Variants in EPHA3 observed in about 807,000 individuals in gnomAD.
EPHA3 encodes EPH receptor A3, also known as ephrin type-A receptor 3.
EPHA3 carries 42 observed loss-of-function variants against 107.1 expected under a neutral mutation model. The observed-to-expected ratio is 0.39, with a 90% CI of 0.31 to 0.51. The LOEUF is 0.51. Ranked by LOEUF, EPHA3 falls within the 20% of genes least tolerant of loss-of-function variation. The pLI, the probability that EPHA3 is intolerant of heterozygous loss-of-function variation, is 0.78. For synonymous variants in EPHA3, 461 were observed against 424.8 expected (o/e 1.09, Z -1.05); for missense variants, 1,183 against 1,211.2 (o/e 0.98, Z 0.35).
chr3:89,271,348 G>T (rs376320996), intron 3 of EPHA3, among the ~76,000 whole-genome samples: 1 of 151,956 alleles, frequency 6.6e-6, no homozygotes, highest in African/African-American at 2.4e-5. Flanking sequence ...TAATTCCCTT[G>T]CAGAGTACAG....
Position 89,277,592 on chromosome 3 carries a change from G to C in EPHA3, c.815-63324G>C, listed in dbSNP as rs77752598. 8.3e-3 allele frequency among the ~76,000 whole-genome samples: 1,260 copies of C among 152,106 alleles called. 29 individuals are homozygous for C. The highest frequency in any genetic ancestry group is 0.029 in the African/African-American group (1,201 of 41,498). On this transcript the variant is annotated intron_variant, in intron 3 of 16. Coordinates refer to ENST00000336596, the MANE Select transcript of EPHA3 (RefSeq NM_005233.6). ...TTATGCATTTAAAGATATGTCACTGGGGTAGCATACTCTGGCCTGCTTTTG... is the reference window on the plus strand; with the variant it reads ...TTATGCATTTAAAGATATGTCACTGCGGTAGCATACTCTGGCCTGCTTTTG...
chr3:89,227,841 T>C (rs894654769), intron 3 of EPHA3, among the ~76,000 whole-genome samples: 10 of 151,988 alleles, frequency 6.6e-5, no homozygotes, highest in Admixed American at 3.3e-4. Flanking sequence ...CTCACTCTTA[T>C]ATTAGGTTGT....
Position 89,107,706 on chromosome 3 carries a change from T to C in EPHA3, c.-43T>C. 1 of 1,564,110 alleles carries C rather than the reference T, an allele frequency of 6.4e-7. No homozygotes were observed. Among genetic ancestry groups the C allele is most frequent in the Non-Finnish European group, 8.8e-7 (1 of 1,134,932 alleles). On this transcript the variant is annotated 5_prime_UTR_variant, in exon 1 of 17. Coordinates refer to ENST00000336596, the MANE Select transcript of EPHA3 (RefSeq NM_005233.6). Reference sequence around the variant, plus strand: ...GCTCCCCCTCACATCAGTGGCATGCTTCATGGAGATATGCTCCTCTCACTG... The same window carrying C: ...GCTCCCCCTCACATCAGTGGCATGCCTCATGGAGATATGCTCCTCTCACTG...
chr3:89,315,664 G>A (rs1304154557), intron 3 of EPHA3, among the ~76,000 whole-genome samples: 2 of 150,054 alleles, frequency 1.3e-5, no homozygotes, highest in African/African-American at 2.4e-5. Flanking sequence ...TCTCAGCTTA[G>A]CAGTTCTGAA....
intron 3 of EPHA3, among the ~76,000 whole-genome samples, chr3:89,290,556 T>C (rs1276288092): frequency 6.6e-6 from 1 of 152,202 alleles, no homozygotes; most frequent in African/African-American, 2.4e-5. Context: ...ATTATTACTT[T>C]GTTTTTCATT....
At chr3:89,110,487 T>C (rs1331477481) in intron 1 of EPHA3, among the ~76,000 whole-genome samples, 2 of 151,998 alleles carry the variant, frequency 1.3e-5, no homozygotes, top group East Asian at 3.8e-4. Flanking sequence ...ATCTCTCTTA[T>C]ATGCTTTCAA....
At chr3:89,401,269 T>G (rs747899081) in intron 7 of EPHA3, among the ~76,000 whole-genome samples, 1 of 152,210 alleles carries the variant, frequency 6.6e-6, no homozygotes, top group Non-Finnish European at 1.5e-5. Flanking sequence ...AATGTTAATG[T>G]TTTTAGAAAT....
At chr3:89,372,788 A>G (rs1708333698) in intron 5 of EPHA3, among the ~76,000 whole-genome samples, 1 of 151,926 alleles carries the variant, frequency 6.6e-6, no homozygotes, top group African/African-American at 2.4e-5. Context: ...AAACATAAAT[A>G]AAACAAATAG....
At chr3:89,390,400 A>G (rs1391634370) in intron 5 of EPHA3, among the ~76,000 whole-genome samples, 1 of 152,006 alleles carries the variant, frequency 6.6e-6, no homozygotes, top group Non-Finnish European at 1.5e-5. Context: ...GGAGTTCAAA[A>G]CCATCCTGGT....
At chr3:89,225,191 A>G (rs1249127885) in intron 3 of EPHA3, among the ~76,000 whole-genome samples, 1 of 152,138 alleles carries the variant, frequency 6.6e-6, no homozygotes, top group Non-Finnish European at 1.5e-5. Context: ...CTGGTCAGTC[A>G]TGGCTATGAT....
chr3:89,427,270 A>G (rs1055915319), intron 11 of EPHA3, among the ~76,000 whole-genome samples: 1 of 151,938 alleles, frequency 6.6e-6, no homozygotes. Context: ...AATATATTCA[A>G]ATTACTGAAT....
At chr3:89,134,224 TAA>T (rs200749972) in intron 2 of EPHA3, among the ~76,000 whole-genome samples, 57 of 149,792 alleles carry the variant, frequency 3.8e-4, no homozygotes, top group Middle Eastern at 6.9e-3. Flanking sequence ...TTTTTTTTTT[TAA>T]AAAAATTATA....
At chr3:89,177,507 T>C (rs1200566067) in intron 2 of EPHA3, among the ~76,000 whole-genome samples, 1 of 152,192 alleles carries the variant, frequency 6.6e-6, no homozygotes, top group Non-Finnish European at 1.5e-5. Context: ...AAGACTGACA[T>C]AGGCTGACAG....
At chr3:89,477,069 TTTGCTGTC>T (rs201639759) in intron 16 of EPHA3, among the ~76,000 whole-genome samples, 2,608 of 152,308 alleles carry the variant, frequency 0.017, 88 homozygotes, top group African/African-American at 0.058. Context: ...AAAAACTGAC[TTTGCTGTC>T]GTTTGGGGAT....
intron 3 of EPHA3, among the ~76,000 whole-genome samples, chr3:89,248,645 C>A (rs1412335722): frequency 6.6e-6 from 1 of 152,072 alleles, no homozygotes; most frequent in Non-Finnish European, 1.5e-5. Flanking sequence ...AGTGTTTATA[C>A]GATAGTCAAC....
At chr3:89,397,828 C>T (rs564363292) in intron 6 of EPHA3, among the ~76,000 whole-genome samples, 2 of 152,262 alleles carry the variant, frequency 1.3e-5, no homozygotes, top group South Asian at 2.1e-4. Flanking sequence ...GGTGATCCAC[C>T]CGCCTGGGCC....
intron 2 of EPHA3, among the ~76,000 whole-genome samples, chr3:89,191,487 T>C (rs990057759): frequency 8.6e-5 from 13 of 151,966 alleles, no homozygotes; most frequent in Non-Finnish European, 1.8e-4. Context: ...TTTGTATTTT[T>C]AGTAGAGACG....
intron 3 of EPHA3, among the ~76,000 whole-genome samples, chr3:89,316,087 A>G (rs1204590021): frequency 6.6e-6 from 1 of 151,784 alleles, no homozygotes. Flanking sequence ...AGTTGCCATA[A>G]CCCACAGCTT....
chr3:89,344,352 T>C (rs1707595773), intron 5 of EPHA3, among the ~76,000 whole-genome samples: 2 of 152,166 alleles, frequency 1.3e-5, no homozygotes, highest in Admixed American at 6.5e-5. Context: ...TAAGACAGAT[T>C]CAGCAAAGGT....
Sources: gnomAD v4.1 joint callset for allele counts (sites outside exome capture counted in the v4.1 genomes callset) on GRCh38, gnomAD v4.1.1 for gene constraint, MANE v1.5 for transcripts, NCBI Gene and HGNC (gene_info 2026-07-23, HGNC 2026-07-21) for gene names.